The following CFAP299 variants were observed in gnomAD, a reference collection of about 807,000 sequenced individuals.
CFAP299 encodes the protein cilia- and flagella-associated protein 299.
Under a neutral mutation model 27.0 loss-of-function variants are expected in CFAP299, and 21 were observed. The ratio of observed to expected loss-of-function variants is 0.78; its 90% CI spans 0.55 to 1.12. CFAP299 has a LOEUF of 1.12. Among genes scored for constraint, CFAP299 ranks in the 50% most tolerant of loss-of-function variants. CFAP299 has a pLI of 0.00. For synonymous variants in CFAP299, 104 were observed against 98.1 expected (o/e 1.06, Z -0.36); for missense variants, 310 against 276.6 (o/e 1.12, Z -0.86).
chr4:80,774,627 T>C (rs181456908), intron 3 of CFAP299, among the ~76,000 whole-genome samples: 3 of 152,040 alleles, frequency 2.0e-5, no homozygotes, highest in African/African-American at 7.2e-5. Context: ...CAAAATAATA[T>C]AAATATATAT....
intron 2 of CFAP299, among the ~76,000 whole-genome samples, chr4:80,476,892 A>G (rs1305504540): frequency 6.6e-6 from 1 of 151,452 alleles, no homozygotes; most frequent in Non-Finnish European, 1.5e-5. Context: ...GGTGGATTTT[A>G]CACTTTCATA....
At chr4:80,442,113 CTT>C (rs1728388210) in intron 2 of CFAP299, among the ~76,000 whole-genome samples, 1 of 152,114 alleles carries the variant, frequency 6.6e-6, no homozygotes, top group African/African-American at 2.4e-5. Context: ...TAGTGGGAGA[CTT>C]TACCACCCCA....
intron 3 of CFAP299, among the ~76,000 whole-genome samples, chr4:80,737,835 T>C (rs968513266): frequency 2.0e-4 from 30 of 152,152 alleles, no homozygotes; most frequent in African/African-American, 7.0e-4. Flanking sequence ...GGTTGGTGAA[T>C]GTTTCTTCTT....
intron 3 of CFAP299, among the ~76,000 whole-genome samples, chr4:80,634,896 A>C (rs1475608587): frequency 6.6e-6 from 1 of 152,168 alleles, no homozygotes; most frequent in Non-Finnish European, 1.5e-5. Context: ...GAATTTGCTA[A>C]CATGTAAAAT....
intron 2 of CFAP299, among the ~76,000 whole-genome samples, chr4:80,551,701 TAA>T (rs751956310): frequency 1.3e-5 from 2 of 152,082 alleles, no homozygotes; most frequent in African/African-American, 4.8e-5. Flanking sequence ...TTCATATGAC[TAA>T]GACTTTAATT....
intron 3 of CFAP299, among the ~76,000 whole-genome samples, chr4:80,746,110 G>T (rs2110067589): frequency 6.6e-6 from 1 of 151,992 alleles, no homozygotes; most frequent in Admixed American, 6.6e-5. Context: ...ATCATGAGAG[G>T]CAAAAGAGAC....
chr4:80,954,996 T>C (rs1475927871), intron 5 of CFAP299, among the ~76,000 whole-genome samples: 3 of 48,098 alleles, frequency 6.2e-5, no homozygotes, highest in African/African-American at 3.5e-4. Context: ...CAAGACTCCA[T>C]CAAAAAAAAA....
intron 3 of CFAP299, among the ~76,000 whole-genome samples, chr4:80,748,805 A>G (rs191380836): frequency 1.6e-4 from 25 of 152,246 alleles, no homozygotes; most frequent in African/African-American, 6.0e-4. Flanking sequence ...CCCTGACATA[A>G]AGATTATTTG....
At chr4:80,702,210 A>C (rs528298392) in intron 3 of CFAP299, among the ~76,000 whole-genome samples, 10 of 151,970 alleles carry the variant, frequency 6.6e-5, no homozygotes, top group African/African-American at 2.4e-4. Flanking sequence ...CTCATTACCT[A>C]CTTTAACACA....
intron 4 of CFAP299, among the ~76,000 whole-genome samples, chr4:80,887,012 C>T (rs1258045542): frequency 5.3e-5 from 8 of 151,644 alleles, no homozygotes; most frequent in Non-Finnish European, 1.2e-4. Context: ...TGAAAATAGC[C>T]TATTCGAAAA....
intron 3 of CFAP299, among the ~76,000 whole-genome samples, chr4:80,747,366 C>A (rs1193224603): frequency 5.3e-5 from 8 of 152,142 alleles, no homozygotes; most frequent in East Asian, 3.9e-4. Flanking sequence ...TATGGACACA[C>A]TATCACTAAA....
chr4:80,504,476 T>TCA lies in CFAP299; in HGVS notation c.243-78617_243-78616insCA, dbSNP rs1731904843. ...TTAAAATCTCACATATATATATATATATATATATATATATATATATATATA... is the reference window on the plus strand; with the variant it reads ...TTAAAATCTCACATATATATATATATCAATATATATATATATATATATATATA... On this transcript the variant is annotated intron_variant, in intron 2 of 5. Transcript: ENST00000358105. Among the ~76,000 whole-genome samples the TCA allele has an allele frequency of 8.0e-5, 9 of 112,882 alleles. No individual in the cohort carries two copies. In the Admixed American group the frequency reaches 8.0e-4, roughly 10 times the overall value. 74.1% of individuals were successfully genotyped at this position (112,882 alleles called of 152,430 possible). A position where few individuals can be genotyped will look rare whatever the true frequency, so the allele number is the denominator to read the frequency against.
At chr4:80,849,146 T>C (rs1731352073) in intron 3 of CFAP299, among the ~76,000 whole-genome samples, 1 of 152,150 alleles carries the variant, frequency 6.6e-6, no homozygotes, top group Non-Finnish European at 1.5e-5. Flanking sequence ...TGTCTTTATA[T>C]CATTCTACAA....
intron 3 of CFAP299, among the ~76,000 whole-genome samples, chr4:80,860,623 A>C (rs1371232476): frequency 6.6e-6 from 1 of 152,134 alleles, no homozygotes; most frequent in East Asian, 1.9e-4. Context: ...TTTTCCTTCT[A>C]ACAGACAGAA....
Position 80,558,350 on chromosome 4 carries a change from G to GTTTTTTTTTTTTT in CFAP299, c.243-24740_243-24739insTTTTTTTTTTTTT, listed in dbSNP as rs1352651407. Among the ~76,000 whole-genome samples the GTTTTTTTTTTTTT allele has an allele frequency of 1.6e-4, 21 of 132,224 alleles. 2 individuals carry two copies. Among genetic ancestry groups the GTTTTTTTTTTTTT allele is most frequent in the African/African-American group, 6.0e-4 (20 of 33,066 alleles). The allele number at this position is 132,224 out of a possible 152,430, so 86.7% of individuals were successfully genotyped here. ...GAAGACTTTTGTGGTTTTTTTGTTTGTTTGTTTGTTTGTTTGTTTTTTTTT... is the reference window on the plus strand; with the variant it reads ...GAAGACTTTTGTGGTTTTTTTGTTTGTTTTTTTTTTTTTTTTGTTTGTTTGTTTGTTTTTTTTT... On this transcript the variant is annotated intron_variant, in intron 2 of 5. Transcript: ENST00000358105.
chr4:80,929,873 T>A (rs1736520476), intron 4 of CFAP299, among the ~76,000 whole-genome samples: 1 of 152,202 alleles, frequency 6.6e-6, no homozygotes, highest in Non-Finnish European at 1.5e-5. Context: ...TCTCATTTCT[T>A]ATACACTGTA....
chr4:80,706,606 T>G (rs1721834795), intron 3 of CFAP299, among the ~76,000 whole-genome samples: 1 of 151,950 alleles, frequency 6.6e-6, no homozygotes, highest in South Asian at 2.1e-4. Flanking sequence ...TTAAACTGCT[T>G]CCTACTGAGA....
chr4:80,680,333 T>C (rs1405402096), intron 3 of CFAP299, among the ~76,000 whole-genome samples: 4 of 152,160 alleles, frequency 2.6e-5, no homozygotes, highest in Non-Finnish European at 5.9e-5. Context: ...TTTCTCAGTT[T>C]ATACTTCTAG....
At chr4:80,961,035 T>A (rs192115024) in intron 5 of CFAP299, among the ~76,000 whole-genome samples, 51 of 151,816 alleles carry the variant, frequency 3.4e-4, no homozygotes, top group Admixed American at 1.4e-3. Context: ...CAACTTAATA[T>A]CAGTCTAAGG....
Sources: allele counts gnomAD v4.1 joint callset (sites outside exome capture counted in the v4.1 genomes callset), GRCh38; gene constraint gnomAD v4.1.1; transcripts MANE v1.5; gene names NCBI Gene and HGNC (gene_info 2026-07-23, HGNC 2026-07-21).